The following RAD51B variants were observed in gnomAD, a reference collection of about 807,000 sequenced individuals.
RAD51B encodes the protein DNA repair protein RAD51 homolog 2.
In RAD51B, 38 loss-of-function variants were observed where a neutral mutation model predicts 42.2. That is an observed-to-expected ratio of 0.90 (90% CI 0.70 to 1.18). The LOEUF (loss-of-function observed/expected upper bound fraction) is 1.18, where lower values mean the gene tolerates loss of function less well. RAD51B is among the 50% of genes most tolerant of loss of function. The pLI is 0.00. For missense variants in RAD51B, 373 were observed against 400.7 expected (o/e 0.93, Z 0.59); for synonymous variants, 154 against 145.2 (o/e 1.06, Z -0.43).
intron 4 of RAD51B, among the ~76,000 whole-genome samples, chr14:67,840,764 TC>T (rs931849402): frequency 6.6e-6 from 1 of 152,126 alleles, no homozygotes; most frequent in African/African-American, 2.4e-5. Context: ...GTATAAGCAT[TC>T]CATTTTCTCT....
intron 7 of RAD51B, among the ~76,000 whole-genome samples, chr14:67,989,994 CTTT>C (rs539586350): frequency 4.4e-4 from 52 of 118,342 alleles, no homozygotes; most frequent in African/African-American, 8.5e-4. Context: ...CTTTTAACAT[CTTT>C]TTTTTTTTTT....
chr14:68,122,615 T>C (rs989636526), intron 7 of RAD51B, among the ~76,000 whole-genome samples: 1 of 152,208 alleles, frequency 6.6e-6, no homozygotes, highest in Admixed American at 6.5e-5. Context: ...TAGATACAAC[T>C]TCTGTGAAGG....
At chr14:68,108,992 T>C (rs1298772550) in intron 7 of RAD51B, among the ~76,000 whole-genome samples, 1 of 151,978 alleles carries the variant, frequency 6.6e-6, no homozygotes, top group Non-Finnish European at 1.5e-5. Flanking sequence ...GCTAGACTTA[T>C]TATATACAGG....
intron 7 of RAD51B, among the ~76,000 whole-genome samples, chr14:68,152,934 A>C (rs544882230): frequency 1.2e-4 from 19 of 152,206 alleles, no homozygotes; most frequent in Non-Finnish European, 2.6e-4. Context: ...ACATGATTTC[A>C]TTCCTTTTTA....
rs115345951 is a variant in RAD51B at position 68,567,681 on chromosome 14, T to A, written c.1037-26804T>A. Among the ~76,000 whole-genome samples the A allele has an allele frequency of 5.7e-3, 874 of 152,366 alleles. 11 individuals carry two copies. Among genetic ancestry groups the A allele is most frequent in the African/African-American group, 0.02 (842 of 41,588 alleles). ...TATCATCTGTTTTCTACCCCAGTCA[T>A]CACGGACAATGCAAGTTCTACCTTC... On this transcript the variant is annotated intron_variant, in intron 10 of 10. Transcript: ENST00000487270.
chr14:68,092,946 T>A (rs2077126893), intron 7 of RAD51B, among the ~76,000 whole-genome samples: 1 of 150,598 alleles, frequency 6.6e-6, no homozygotes, highest in South Asian at 2.1e-4. Context: ...TTTCTGCATC[T>A]ATTGAGATAA....
chr14:68,128,908 A>G (rs745586147), intron 7 of RAD51B, among the ~76,000 whole-genome samples: 16 of 152,216 alleles, frequency 1.1e-4, no homozygotes, highest in Non-Finnish European at 2.2e-4. Context: ...GTAATTTCCT[A>G]GAGATGAGAA....
intron 8 of RAD51B, among the ~76,000 whole-genome samples, chr14:68,301,115 G>A (rs2081725307): frequency 1.3e-5 from 2 of 152,100 alleles, no homozygotes; most frequent in African/African-American, 4.8e-5. Flanking sequence ...GCCTTTTTAG[G>A]TTATGATGTT....
chr14:67,895,400 C>T (rs901546381), intron 7 of RAD51B, among the ~76,000 whole-genome samples: 2 of 152,166 alleles, frequency 1.3e-5, no homozygotes, highest in African/African-American at 4.8e-5. Context: ...TCACTTGCCG[C>T]TTCCATCCTG....
At chr14:67,821,808 T>G (rs1380729053) in intron 1 of RAD51B, among the ~76,000 whole-genome samples, 1 of 152,050 alleles carries the variant, frequency 6.6e-6, no homozygotes, top group Non-Finnish European at 1.5e-5. Flanking sequence ...ATTGAATTTA[T>G]CAGTCTAAAT....
intron 11 of RAD51B, among the ~76,000 whole-genome samples, chr14:68,661,022 G>A (rs1566966399): frequency 6.6e-6 from 1 of 152,208 alleles, no homozygotes; most frequent in Non-Finnish European, 1.5e-5. Context: ...GAAAGTCAGT[G>A]AATGGGTGGC....
intron 7 of RAD51B, among the ~76,000 whole-genome samples, chr14:68,222,705 G>A (rs2079955072): frequency 6.6e-6 from 1 of 152,242 alleles, no homozygotes; most frequent in African/African-American, 2.4e-5. Flanking sequence ...ATTAATGTTT[G>A]TGTTATTCAA....
intron 11 of RAD51B, among the ~76,000 whole-genome samples, chr14:68,662,922 G>A (rs573210330): frequency 1.3e-5 from 2 of 152,308 alleles, no homozygotes; most frequent in African/African-American, 4.8e-5. Flanking sequence ...TGTACCCCAG[G>A]AAGCTGACCT....
intron 7 of RAD51B, among the ~76,000 whole-genome samples, chr14:68,267,775 G>T (rs1024335190): frequency 6.6e-6 from 1 of 152,184 alleles, no homozygotes; most frequent in Non-Finnish European, 1.5e-5. Flanking sequence ...CAGATTAATC[G>T]TATCACTTTG....
At chr14:67,873,618 G>T (rs955723006) in intron 5 of RAD51B, among the ~76,000 whole-genome samples, 1 of 151,914 alleles carries the variant, frequency 6.6e-6, no homozygotes, top group Non-Finnish European at 1.5e-5. Flanking sequence ...AAATCATGCT[G>T]CTATAAAGAC....
intron 7 of RAD51B, among the ~76,000 whole-genome samples, chr14:68,171,405 T>G (rs2078868616): frequency 1.3e-5 from 2 of 152,030 alleles, no homozygotes; most frequent in Admixed American, 6.6e-5. Flanking sequence ...GTTCAAGTGA[T>G]TCTCCTGCCT....
At chr14:68,669,070 C>G (rs1893096034) in intron 11 of RAD51B, among the ~76,000 whole-genome samples, 1 of 152,236 alleles carries the variant, frequency 6.6e-6, no homozygotes, top group South Asian at 2.1e-4. Flanking sequence ...AAAACTCATG[C>G]AACTTAAAGT....
At chr14:68,568,680 A>G (rs1260082138) in intron 10 of RAD51B, among the ~76,000 whole-genome samples, 1 of 152,218 alleles carries the variant, frequency 6.6e-6, no homozygotes, top group Non-Finnish European at 1.5e-5. Context: ...GGATCCCTCT[A>G]GAACCCTCAC....
rs1340003656 is a variant in RAD51B at position 68,162,430 on chromosome 14, A to G, written c.757-129454A>G. ...GCTTTTAAAGGAAATATATAAGTTT[A>G]TCTCAAAAGCCTTTTAATATTTCAT... On this transcript the variant is annotated intron_variant, in intron 7 of 10. Coordinates refer to ENST00000471583, the MANE Select transcript of RAD51B (RefSeq NM_133510.4). Among the ~76,000 whole-genome samples the G allele has an allele frequency of 2.0e-5, 3 of 152,226 alleles. No homozygotes were observed. The East Asian group carries it at 5.8e-4, about 29-fold the overall frequency.
Sources: gnomAD v4.1 joint callset for allele counts (sites outside exome capture counted in the v4.1 genomes callset) on GRCh38, gnomAD v4.1.1 for gene constraint, MANE v1.5 for transcripts, NCBI Gene and HGNC (gene_info 2026-07-23, HGNC 2026-07-21) for gene names.